CDK12: variants seen among roughly 807,000 people sequenced by gnomAD.
CDK12 encodes cyclin dependent kinase 12.
A neutral mutation model predicts 133.8 loss-of-function variants in CDK12; 17 were observed. That is an observed-to-expected ratio of 0.13 (90% CI 0.09 to 0.19). The LOEUF is 0.19. Among genes scored for constraint, CDK12 ranks in the 10% least tolerant of loss-of-function variants. CDK12 has a pLI of 1.00. For synonymous variants in CDK12, 694 were observed against 683.6 expected (o/e 1.02, Z -0.24); for missense variants, 1,508 against 1,818.7 (o/e 0.83, Z 3.11).
At chr17:39,525,505 G>A (rs1028030807) in intron 12 of CDK12, among the ~76,000 whole-genome samples, 9 of 152,054 alleles carry the variant, frequency 5.9e-5, no homozygotes, top group Non-Finnish European at 8.8e-5. Context: ...ATGCCTATAC[G>A]ATTGCCTATC....
chr17:39,462,704 A>G lies in CDK12; in HGVS notation c.633A>G (p.Lys211=). 1.2e-6 allele frequency: 2 copies of G among 1,614,186 alleles called. No individual in the cohort carries two copies. Residue 211 remains lysine, a synonymous_variant, in exon 1 of 14, where the codon AAA becomes AAG. Coordinates refer to ENST00000447079, the MANE Select transcript of CDK12 (RefSeq NM_016507.4). ...AAAGGGAAACACCCAAAAGTTACAA[A>G]ACAGTGGACAGCCCAAAACGGAGAT... ...HRKRETPKSY[K]TVDSPKRRSR... is the part of the protein sequence containing the mutation.
At chr17:39,480,691 G>A (rs555284200) in intron 2 of CDK12, among the ~76,000 whole-genome samples, 1 of 152,168 alleles carries the variant, frequency 6.6e-6, no homozygotes, top group South Asian at 2.1e-4. Flanking sequence ...CCAAAGTGCT[G>A]GGATTACAGG....
At chr17:39,515,643 G>A (rs1013406140) in intron 8 of CDK12, 88 bp from the exon 9 acceptor site, 9 of 762,080 alleles carry the variant, frequency 1.2e-5, no homozygotes, top group Non-Finnish European at 1.8e-5. Context: ...GTTGCAATCC[G>A]ACATATCAAT....
chr17:39,532,102 T>TTCTCTCTCTCTCTCTC lies in CDK12; in HGVS notation c.*812_*827dup, dbSNP rs71843922. ...GCTGATGTGTGCTCTCTCTCTCTCT[T>TTCTCTCTCTCTCTCTC]TCTCTCTCTCTCTCTCTCTCTCTCT... is the stretch of plus-strand genomic sequence containing the variant. On this transcript the variant is annotated 3_prime_UTR_variant, in exon 14 of 14. Transcript: ENST00000447079. The TTCTCTCTCTCTCTCTC allele has an allele frequency of 1.1e-4, 24 of 218,612 alleles. No individual in the cohort carries two copies. The highest frequency in any genetic ancestry group is 6.2e-4 in the African/African-American group (24 of 38,512). 13.5% of individuals were successfully genotyped at this position (218,612 alleles called of 1,614,324 possible). A position where few individuals can be genotyped will look rare whatever the true frequency, so the allele number is the denominator to read the frequency against.
At chr17:39,489,352 G>A (rs576513050) in intron 2 of CDK12, among the ~76,000 whole-genome samples, 8 of 152,110 alleles carry the variant, frequency 5.3e-5, no homozygotes, top group Non-Finnish European at 1.0e-4. Context: ...TTACAGGCGT[G>A]AGCCACCGTG....
Position 39,532,403 on chromosome 17 carries a change from C to T in CDK12, c.*1087C>T, listed in dbSNP as rs2054919003. 1 of 232,678 alleles carries T rather than the reference C, an allele frequency of 4.3e-6. No individual in the cohort carries two copies. Among genetic ancestry groups the T allele is most frequent in the Non-Finnish European group, 8.5e-6 (1 of 117,846 alleles). The allele number at this position is 232,678 out of a possible 1,614,324, so 14.4% of individuals were successfully genotyped here. A position where few individuals can be genotyped will look rare whatever the true frequency, so the allele number is the denominator to read the frequency against. The stretch of plus-strand genomic sequence containing the variant: ...GAGCTGTGGTTAGAGATGATGCCTC[C>T]ATTCCTAGAGGGCTAATAACAGCAT... On this transcript the variant is annotated 3_prime_UTR_variant, in exon 14 of 14. Transcript: ENST00000447079.
At chr17:39,511,453 T>G in intron 7 of CDK12, 76 bp from the exon 8 acceptor site, 1 of 932,148 alleles carries the variant, frequency 1.1e-6, no homozygotes, top group Admixed American at 2.0e-5. Context: ...CCTATTTCTA[T>G]TTGCATTTAG....
rs963267098 is a variant in CDK12 at position 39,461,510 on chromosome 17, T to C, written c.-562T>C. ...CAAGTGCCGTTTCGGTTTAATCTAG[T>C]GTGTGACTGGGTCTGTGTGAGGGAG... On this transcript the variant is annotated 5_prime_UTR_variant, in exon 1 of 14. Coordinates refer to ENST00000447079, the MANE Select transcript of CDK12 (RefSeq NM_016507.4). 16 of 235,494 alleles carry C rather than the reference T, an allele frequency of 6.8e-5. No homozygotes were observed. Among genetic ancestry groups the C allele is most frequent in the Non-Finnish European group, 1.1e-4 (13 of 119,484 alleles). 14.6% of individuals were successfully genotyped at this position (235,494 alleles called of 1,614,324 possible).
Position 39,532,684 on chromosome 17 carries a change from T to G in CDK12, c.*1368T>G. 4.3e-6 allele frequency: 1 copy of G among 232,772 alleles called. No homozygotes were observed. The highest frequency in any genetic ancestry group is 6.0e-5 in the East Asian group (1 of 16,590). 14.4% of individuals were successfully genotyped at this position (232,772 alleles called of 1,614,324 possible). ...CAGCATGTGTACCCTGCCAGTTCTT[T>G]TAGGGATTTTTCCTCCAAAGAGATT... On this transcript the variant is annotated 3_prime_UTR_variant, in exon 14 of 14. Coordinates refer to ENST00000447079, the MANE Select transcript of CDK12 (RefSeq NM_016507.4).
chr17:39,555,218 A>G (rs994176258), intron 2 of CDK12, among the ~76,000 whole-genome samples: 2 of 149,090 alleles, frequency 1.3e-5, no homozygotes, highest in East Asian at 4.0e-4. Flanking sequence ...GCACCACTGT[A>G]CTCCAGCCTG....
upstream of CDK12, among the ~76,000 whole-genome samples, chr17:39,543,580 C>T (rs1266583439): frequency 2.0e-5 from 3 of 152,128 alleles, no homozygotes; most frequent in Non-Finnish European, 4.4e-5. Flanking sequence ...TGGGGATCTG[C>T]AAAGTGAATA....
chr17:39,549,489 A>G (rs1417288068), upstream of CDK12: 1 of 152,128 alleles, frequency 6.6e-6, no homozygotes, highest in Non-Finnish European at 1.5e-5. Flanking sequence ...TATCTGACCC[A>G]TCTGCTCCCA....
At chr17:39,487,516 G>T (rs1374576732) in intron 2 of CDK12, among the ~76,000 whole-genome samples, 1 of 151,586 alleles carries the variant, frequency 6.6e-6, no homozygotes. Context: ...AAGGAATAGA[G>T]AAGACCTATC....
intron 1 of CDK12, among the ~76,000 whole-genome samples, chr17:39,540,346 T>C (rs1274501662): frequency 6.6e-6 from 1 of 152,186 alleles, no homozygotes; most frequent in Non-Finnish European, 1.5e-5. Context: ...GATGTGTCAA[T>C]GTTCAGTATT....
chr17:39,564,819 C>T (rs1242887481), exon 4 of CDK12: 2 of 152,232 alleles, frequency 1.3e-5, no homozygotes, highest in Non-Finnish European at 2.9e-5. Context: ...AAGGTTACAA[C>T]TGAGGAAGAA....
At chr17:39,553,608 A>G (rs1373151898) in intron 2 of CDK12, among the ~76,000 whole-genome samples, 2 of 151,992 alleles carry the variant, frequency 1.3e-5, no homozygotes, top group East Asian at 1.9e-4. Context: ...GGTCTCTCAC[A>G]CTCCTTTGCT....
chr17:39,471,812 G>A (rs1440029405), intron 2 of CDK12, 49 bp downstream of exon 2: 1 of 1,469,342 alleles, frequency 6.8e-7, no homozygotes, highest in South Asian at 1.3e-5. Flanking sequence ...TAAACATAAA[G>A]CATTTTCTGT....
chr17:39,480,991 C>T (rs996122517), intron 2 of CDK12, among the ~76,000 whole-genome samples: 1 of 152,068 alleles, frequency 6.6e-6, no homozygotes, highest in Admixed American at 6.6e-5. Context: ...TGGTGGATCA[C>T]GCCTGTAATC....
In CDK12 at chr17:39,526,097, GAAGC is replaced by G; in HGVS notation, c.3543_3546del (p.Glu1181AspfsTer6). On this transcript the variant is annotated frameshift_variant, in exon 13 of 14. Transcript: ENST00000447079. LOFTEE classifies it high-confidence loss of function. ...CATGGCCCCAGAGGAGTCTTTGAAG[GAAGC>G]ACCCTCTGCCCCAGTGATCCTGCCT... 6.2e-7 allele frequency: 1 copy of G among 1,614,230 alleles called. No homozygotes were observed. The highest frequency in any genetic ancestry group is 8.5e-7 in the Non-Finnish European group (1 of 1,180,044).
Sources: allele counts gnomAD v4.1 joint callset (sites outside exome capture counted in the v4.1 genomes callset), GRCh38; gene constraint gnomAD v4.1.1; transcripts MANE v1.5; gene names NCBI Gene and HGNC (gene_info 2026-07-23, HGNC 2026-07-21).